MYO16: variants seen among roughly 807,000 people sequenced by gnomAD.
MYO16 encodes myosin XVI.
Under a neutral mutation model 205.3 loss-of-function variants are expected in MYO16, and 94 were observed. That is an observed-to-expected ratio of 0.46 (90% CI 0.39 to 0.54). MYO16 has a LOEUF of 0.54. Among genes scored for constraint, MYO16 ranks in the 20% least tolerant of loss-of-function variants. The pLI, the probability that MYO16 is intolerant of heterozygous loss-of-function variation, is 0.00. For synonymous variants in MYO16, 988 were observed against 954.0 expected (o/e 1.04, Z -0.66); for missense variants, 2,315 against 2,387.5 (o/e 0.97, Z 0.63).
intron 3 of MYO16, among the ~76,000 whole-genome samples, chr13:108,723,633 C>T (rs1047518109): frequency 3.3e-5 from 5 of 152,120 alleles, no homozygotes; most frequent in Non-Finnish European, 5.9e-5. Context: ...GTTGTCTATA[C>T]ATGAATTGAT....
chr13:108,809,240 C>T (rs1887211228), intron 7 of MYO16, among the ~76,000 whole-genome samples: 1 of 152,332 alleles, frequency 6.6e-6, no homozygotes, highest in South Asian at 2.1e-4. Context: ...TTCTTCAAAA[C>T]CAGCTACAAA....
intron 3 of MYO16, among the ~76,000 whole-genome samples, chr13:108,714,248 G>A (rs905037296): frequency 6.6e-6 from 1 of 152,022 alleles, no homozygotes; most frequent in Admixed American, 6.5e-5. Context: ...GTAGAGATGG[G>A]GTTTCACCAT....
At chr13:108,671,134 T>G (rs2139445198) in intron 2 of MYO16, among the ~76,000 whole-genome samples, 1 of 152,350 alleles carries the variant, frequency 6.6e-6, no homozygotes, top group African/African-American at 2.4e-5. Flanking sequence ...AAGAAATTGC[T>G]CTTTTGTGTG....
intron 34 of MYO16, among the ~76,000 whole-genome samples, chr13:109,181,677 C>A (rs1279025592): frequency 6.6e-6 from 1 of 152,094 alleles, no homozygotes; most frequent in Non-Finnish European, 1.5e-5. Flanking sequence ...TGCCAAAGAT[C>A]ATATGGAAAA....
chr13:108,853,799 G>A (rs886330825), intron 10 of MYO16, among the ~76,000 whole-genome samples: 1 of 151,858 alleles, frequency 6.6e-6, no homozygotes, highest in African/African-American at 2.4e-5. Context: ...TTTTTAATAA[G>A]CATTCATCTA....
chr13:108,914,182 A>G (rs1250696886), intron 16 of MYO16, among the ~76,000 whole-genome samples: 1 of 148,898 alleles, frequency 6.7e-6, no homozygotes, highest in Non-Finnish European at 1.5e-5. Context: ...TATTAAGTAG[A>G]TAATTATATC....
At chr13:108,831,632 C>T (rs1030179724) in intron 9 of MYO16, among the ~76,000 whole-genome samples, 5 of 152,108 alleles carry the variant, frequency 3.3e-5, no homozygotes, top group Non-Finnish European at 7.4e-5. Context: ...CTGGCCTCAC[C>T]TTCCCAAGTA....
chr13:109,144,074 G>A (rs1594123024), intron 32 of MYO16, among the ~76,000 whole-genome samples: 1 of 150,780 alleles, frequency 6.6e-6, no homozygotes, highest in African/African-American at 2.4e-5. Flanking sequence ...GAGGGCAATG[G>A]CACAATCTTG....
At chr13:108,591,564 T>A (rs969025368), upstream of MYO16, among the ~76,000 whole-genome samples, 1 of 152,198 alleles carries the variant, frequency 6.6e-6, no homozygotes, top group Non-Finnish European at 1.5e-5. Flanking sequence ...TGGCTTTTCA[T>A]AATGATTGGA....
At chr13:108,496,126 G>T in the MYO16 span, among the ~76,000 whole-genome samples, 4 of 152,186 alleles carry the variant, frequency 2.6e-5, no homozygotes, top group East Asian at 3.9e-4. Flanking sequence ...ACGCGTCTGG[G>T]GGGCGTGGAG....
Position 109,140,161 on chromosome 13 carries a change from C to A in MYO16, c.4052-103C>A. On this transcript the variant is annotated intron_variant, in intron 31 of 34. Transcript: ENST00000457511. This position sits in a 1 kb window ranked among gnomAD's most constrained non-coding sequence, Gnocchi z 8.0. ...CATGCAGGCCCGGTCCCTTGGGATT[C>A]TCGGGGCACGGGGCCGTGGCTCCCT... 6.6e-7 allele frequency: 1 copy of A among 1,510,876 alleles called. No homozygotes were observed. The highest frequency in any genetic ancestry group is 2.4e-5 in the East Asian group (1 of 41,074). 93.6% of individuals were successfully genotyped at this position (1,510,876 alleles called of 1,614,324 possible).
intron 27 of MYO16, among the ~76,000 whole-genome samples, chr13:109,090,703 A>G (rs918002067): frequency 1.3e-5 from 2 of 152,200 alleles, no homozygotes; most frequent in Non-Finnish European, 2.9e-5. Context: ...GAGGGAAAAA[A>G]TGTGCACGTG....
chr13:108,808,747 G>A lies in MYO16; in HGVS notation c.867+1943G>A, dbSNP rs578179435. Reference sequence around the variant, plus strand: ...AAAATCTGTAATTAGTTTGAGTGATGAAAATGGATTTTTAAATGTTAATTT... The same window carrying A: ...AAAATCTGTAATTAGTTTGAGTGATAAAAATGGATTTTTAAATGTTAATTT... On this transcript the variant is annotated intron_variant, in intron 7 of 34. Coordinates refer to ENST00000457511, the MANE Select transcript of MYO16 (RefSeq NM_001198950.3). Among the ~76,000 whole-genome samples, 4 of 152,242 alleles carry A rather than the reference G, an allele frequency of 2.6e-5. No individual in the cohort carries two copies. In the South Asian group the frequency reaches 6.2e-4, roughly 24 times the overall value.
At chr13:109,122,278 CT>C (rs1876026297) in intron 29 of MYO16, among the ~76,000 whole-genome samples, 1 of 152,190 alleles carries the variant, frequency 6.6e-6, no homozygotes, top group Admixed American at 6.5e-5. Flanking sequence ...TTAGAAATTT[CT>C]GTTCTATTTA....
At chr13:108,868,437 T>C (rs1878835386) in intron 12 of MYO16, among the ~76,000 whole-genome samples, 1 of 152,194 alleles carries the variant, frequency 6.6e-6, no homozygotes, top group African/African-American at 2.4e-5. Context: ...TCGTGATGCG[T>C]GTATTTCAGG....
intron 1 of MYO16, among the ~76,000 whole-genome samples, chr13:108,603,311 C>T (rs1402097934): frequency 1.3e-5 from 2 of 152,044 alleles, no homozygotes; most frequent in African/African-American, 4.8e-5. Context: ...GACTACTTTT[C>T]CTAATAGAGA....
At chr13:109,066,680 G>A (rs564142066) in intron 27 of MYO16, among the ~76,000 whole-genome samples, 1 of 152,070 alleles carries the variant, frequency 6.6e-6, no homozygotes, top group African/African-American at 2.4e-5. Context: ...AGACTTTATG[G>A]CCATGTGGTC....
intron 12 of MYO16, among the ~76,000 whole-genome samples, chr13:108,876,669 C>CTTTTTT (rs35250959): frequency 7.4e-6 from 1 of 135,252 alleles, no homozygotes; most frequent in Non-Finnish European, 1.6e-5. Context: ...TATTCTCTCT[C>CTTTTTT]TTTTTTTTTT....
At position 108,718,222 on chromosome 13, in the gene MYO16, A is replaced by T. The variant is rs900278695; in HGVS notation, c.363+5491A>T. 2.0e-5 allele frequency among the ~76,000 whole-genome samples: 3 copies of T among 152,152 alleles called. No homozygotes were observed. In the South Asian group the frequency reaches 6.2e-4, roughly 31 times the overall value. ...ATGCCTAGAGAAATATCTTATTTTT[A>T]AAAATGTCTAGGTATTAAAGAACAA... is the stretch of plus-strand genomic sequence containing the variant. On this transcript the variant is annotated intron_variant, in intron 3 of 34. Transcript: ENST00000457511.
Sources: gnomAD v4.1 joint callset for allele counts (sites outside exome capture counted in the v4.1 genomes callset) on GRCh38, gnomAD v4.1.1 for gene constraint, Gnocchi (gnomAD v3.1) non-coding constraint, MANE v1.5 for transcripts, NCBI Gene and HGNC (gene_info 2026-07-23, HGNC 2026-07-21) for gene names.